Variants in FBN3 observed in about 807,000 individuals in gnomAD.
The protein encoded by FBN3 is fibrillin-3.
Under a neutral mutation model 330.1 loss-of-function variants are expected in FBN3, and 234 were observed. That is an observed-to-expected ratio of 0.71 (90% CI 0.64 to 0.79). The LOEUF (loss-of-function observed/expected upper bound fraction) is 0.79, where lower values mean the gene tolerates loss of function less well. FBN3 is among the 30% of genes least tolerant of loss of function. FBN3 has a pLI of 0.00. For missense variants in FBN3, 3,606 were observed against 3,886.9 expected (o/e 0.93, Z 1.92); for synonymous variants, 1,458 against 1,517.3 (o/e 0.96, Z 0.91).
Position 8,111,742 on chromosome 19 carries a change from G to A in FBN3, c.3990C>T (p.His1330=). The A allele has an allele frequency of 1.2e-6, 2 of 1,612,778 alleles. No homozygotes were observed. Among genetic ancestry groups the A allele is most frequent in the Non-Finnish European group, 1.7e-6 (2 of 1,179,074 alleles). The part of the protein sequence containing the change: ...HDLDECVSQE[H]RCSPRGDCLN... The stretch of plus-strand genomic sequence containing the variant: ...GACAGTCACCTCTTGGGCTGCACCG[G>A]TGCTCCTGGGAGACGCATTCATCCA... The change falls in exon 32 of 64, where the codon CAC becomes CAT. Residue 1330 remains histidine, a synonymous_variant. Transcript: ENST00000600128.
chr19:8,145,038 A>G lies in FBN3; in HGVS notation c.446-66T>C, dbSNP rs188945861. 77 of 1,399,310 alleles carry G rather than the reference A, an allele frequency of 5.5e-5. No individual in the cohort carries two copies. In the East Asian group the frequency reaches 1.8e-3, roughly 32 times the overall value. The allele number at this position is 1,399,310 out of a possible 1,614,324, so 86.7% of individuals were successfully genotyped here. A position where few individuals can be genotyped will look rare whatever the true frequency, so the allele number is the denominator to read the frequency against. On this transcript the variant is annotated intron_variant, in intron 5 of 63. Transcript: ENST00000600128. ...GCAGAGAGAGCTGGGGTTCACAGCA[A>G]GCCTGTCTTCACCCAGGAATCCCCA... is the stretch of plus-strand genomic sequence containing the variant.
At chr19:8,142,508 G>C (rs2083439347) in intron 6 of FBN3, among the ~76,000 whole-genome samples, 1 of 152,156 alleles carries the variant, frequency 6.6e-6, no homozygotes, top group South Asian at 2.1e-4. Flanking sequence ...TAGTCCTTGA[G>C]CACACGCCTG....
Position 8,109,348 on chromosome 19 carries a change from T to C in FBN3, c.4497A>G (p.Arg1499=), listed in dbSNP as rs1448796723. Residue 1499 remains arginine (R), a synonymous_variant, in exon 36 of 64, where the codon CGA becomes CGG. Coordinates refer to ENST00000600128, the MANE Select transcript of FBN3 (RefSeq NM_032447.5). This position sits in a 1 kb window ranked among gnomAD's most constrained non-coding sequence, Gnocchi z 5.2. ...CACTGCAGGAAATGCCACTGTCCCCTCGGTCATGCGTCTCCAGGAAACAGT... is the reference window on the plus strand; with the variant it reads ...CACTGCAGGAAATGCCACTGTCCCCCCGGTCATGCGTCTCCAGGAAACAGT... The part of the protein sequence containing the change: ...AGNCFLETHD[R]GDSGISCSAE... 9.3e-6 allele frequency: 15 copies of C among 1,613,966 alleles called. No homozygotes were observed. In the Admixed American group the frequency reaches 1.2e-4, roughly 13 times the overall value.
chr19:8,138,020 C>T, intron 10 of FBN3, 121 bp downstream of exon 10: 2 of 1,157,490 alleles, frequency 1.7e-6, no homozygotes, highest in Non-Finnish European at 2.4e-6. Context: ...CAGGAGTTCC[C>T]CCTCCAAAGC....
In FBN3 at chr19:8,142,000, C is replaced by T. The variant is rs1360718134; in HGVS notation, c.679G>A (p.Ala227Thr). Residue 227 changes from alanine to threonine, a missense_variant, in exon 7 of 64, where the codon GCA (alanine) becomes ACA (threonine). Coordinates refer to ENST00000600128, the MANE Select transcript of FBN3 (RefSeq NM_032447.5). ...AWGLPCELCPAQPHPCRRGFI... is the reference protein window; with the variant it reads ...AWGLPCELCPTQPHPCRRGFI... ...CCGCGGCGGCAGGGGTGTGGCTGTG[C>T]AGGGCAAAGTTCACATGGAAGGCCC... The T allele has an allele frequency of 6.2e-7, 1 of 1,614,216 alleles. No individual in the cohort carries two copies. The highest frequency in any genetic ancestry group is 8.5e-7 in the Non-Finnish European group (1 of 1,180,028).
At chr19:8,078,342 G>A (rs3745394) in intron 59 of FBN3, among the ~76,000 whole-genome samples, 94,154 of 152,020 alleles carry the variant, frequency 0.62, 30,669 homozygotes, top group African/African-American at 0.82. Flanking sequence ...GAGTCCAATC[G>A]TGGCGACAGA....
At position 8,066,106 on chromosome 19, in the gene FBN3, C is replaced by T. The variant is rs779357354; in HGVS notation, c.8243G>A (p.Gly2748Asp). The T allele has an allele frequency of 6.2e-7, 1 of 1,613,518 alleles. No homozygotes were observed. Among genetic ancestry groups the T allele is most frequent in the Non-Finnish European group, 8.5e-7 (1 of 1,179,952 alleles). The change falls in exon 64 of 64, where the codon GGT becomes GAT. Residue 2748 changes from glycine (G) to aspartate (D), a missense_variant. Gly to Asp is a moderately conservative substitution (Grantham distance 94). Coordinates refer to ENST00000600128, the MANE Select transcript of FBN3 (RefSeq NM_032447.5). ...ACGGAGGTGATGCATGCGAAAGAAA[C>T]CTTGCTCGTTTCCGCGGACGATGAC... ...RYVIVRGNEQ[G>D]FFRMHHLRGV...
At chr19:8,126,239 G>T in intron 21 of FBN3, 58 bp downstream of exon 21, 3 of 1,538,994 alleles carry the variant, frequency 1.9e-6, no homozygotes, top group Middle Eastern at 1.9e-4. Context: ...AGGGTGGTGC[G>T]CCTGGTTGTG....
At position 8,095,964 on chromosome 19, in the gene FBN3, C is replaced by T. The variant is rs1199033927; in HGVS notation, c.5656G>A (p.Asp1886Asn). The T allele has an allele frequency of 5.6e-6, 9 of 1,600,624 alleles. No homozygotes were observed. The highest frequency in any genetic ancestry group is 6.9e-6 in the Non-Finnish European group (8 of 1,167,760). The change falls in exon 45 of 64, where the codon GAT becomes AAT. Residue 1886 changes from aspartate (D) to asparagine (N), a missense_variant and splice_region_variant. Physicochemically the swap from Asp to Asn is conservative, Grantham distance 23. Transcript: ENST00000600128. ...FVVTHNGDCV[D>N]FDECTTLVGQ... Reference sequence around the variant, plus strand: ...CAGCCTGCCACCTGAGCCGACTCACCCACACAATCCCCATTGTGTGTCACC... The same window carrying T: ...CAGCCTGCCACCTGAGCCGACTCACTCACACAATCCCCATTGTGTGTCACC...
intron 37 of FBN3, among the ~76,000 whole-genome samples, chr19:8,107,375 T>G (rs1197480345): frequency 3.5e-5 from 5 of 143,880 alleles, no homozygotes; most frequent in South Asian, 2.3e-4. Context: ...AGTGGGGGGA[T>G]GGATGAATGG....
intron 26 of FBN3, 30 bp downstream of exon 26, chr19:8,118,863 ACACT>A (rs750730073): frequency 1.1e-5 from 18 of 1,591,908 alleles, no homozygotes; most frequent in African/African-American, 6.7e-5. Flanking sequence ...ACATGGGCTA[ACACT>A]CACACTTGCA....
At chr19:8,098,291 A>G (rs11260052) in intron 41 of FBN3, among the ~76,000 whole-genome samples, 149,869 of 150,196 alleles carry the variant, frequency 1, 74,777 homozygotes, top group Non-Finnish European at 1. Context: ...GTCCATCAGT[A>G]GGGGACTGGA....
intron 61 of FBN3, chr19:8,074,782 C>T (rs926816861): frequency 3.4e-5 from 13 of 384,886 alleles, no homozygotes; most frequent in Non-Finnish European, 6.1e-5. Context: ...TCAATCACAG[C>T]ACTCTTTCCC....
chr19:8,071,956 G>A lies in FBN3; in HGVS notation c.8088+92C>T, dbSNP rs371306929. ...ATCTGGAGCCTGGTGCTCCTTCTTG[G>A]GGGGGCTGACATGACTAAGTCGGGT... On this transcript the variant is annotated intron_variant, in intron 63 of 63. Transcript: ENST00000600128. 12 of 1,313,022 alleles carry A rather than the reference G, an allele frequency of 9.1e-6. 1 individual carries two copies. Among genetic ancestry groups the A allele is most frequent in the South Asian group, 4.2e-5 (3 of 71,622 alleles). 81.3% of individuals were successfully genotyped at this position (1,313,022 alleles called of 1,614,324 possible). A position where few individuals can be genotyped will look rare whatever the true frequency, so the allele number is the denominator to read the frequency against.
chr19:8,134,552 G>C (rs991387802), intron 13 of FBN3, among the ~76,000 whole-genome samples: 38 of 152,154 alleles, frequency 2.5e-4, no homozygotes, highest in African/African-American at 9.2e-4. Flanking sequence ...GTGGTTGTCT[G>C]TGGCTGTGTT....
chr19:8,131,434 T>G lies in FBN3; in HGVS notation c.1990+120A>C. Reference sequence around the variant, plus strand: ...AACCCCGGGGAGGGAGCAACTCCCTTCAGCCTCTTTTTGGGAAGAGCCCCC... The same window carrying G: ...AACCCCGGGGAGGGAGCAACTCCCTGCAGCCTCTTTTTGGGAAGAGCCCCC... On this transcript the variant is annotated intron_variant, in intron 15 of 63. Coordinates refer to ENST00000600128, the MANE Select transcript of FBN3 (RefSeq NM_032447.5). The surrounding 1 kb of genome is among the most constrained non-coding windows in gnomAD (Gnocchi z 4.5). 4.1e-6 allele frequency: 6 copies of G among 1,463,830 alleles called. No homozygotes were observed. The South Asian group carries it at 7.6e-5, about 19-fold the overall frequency. 90.7% of individuals were successfully genotyped at this position (1,463,830 alleles called of 1,614,324 possible).
chr19:8,081,986 C>G (rs538165271), intron 57 of FBN3, among the ~76,000 whole-genome samples: 2 of 139,468 alleles, frequency 1.4e-5, no homozygotes, highest in South Asian at 5.3e-4. Context: ...TTTCTTGAGA[C>G]GGAGTCTCGT....
At position 8,087,082 on chromosome 19, in the gene FBN3, C is replaced by A. The variant is rs1453953515; in HGVS notation, c.6749G>T (p.Cys2250Phe). 6.2e-7 allele frequency: 1 copy of A among 1,607,810 alleles called. No homozygotes were observed. The change falls in exon 54 of 64, where the codon TGC becomes TTC. Residue 2250 changes from cysteine to phenylalanine, a missense_variant. By Grantham distance (205) the Cys-to-Phe change is radical. Transcript: ENST00000600128. ...MRPLPGSGEG[C>F]TDDNECHAQP... ...GAAGCTCCAGTGCCCCATACCTGTGCAGCCCTCCCCAGAGCCAGGCAGGGG... is the reference window on the plus strand; with the variant it reads ...GAAGCTCCAGTGCCCCATACCTGTGAAGCCCTCCCCAGAGCCAGGCAGGGG...
At chr19:8,067,128 T>C (rs1241780335) in intron 63 of FBN3, among the ~76,000 whole-genome samples, 2 of 148,922 alleles carry the variant, frequency 1.3e-5, no homozygotes, top group East Asian at 2.0e-4. Context: ...TTCTTCTTTT[T>C]CTTTTTTTTT....
Sources: gnomAD v4.1 joint callset for allele counts (sites outside exome capture counted in the v4.1 genomes callset) on GRCh38, gnomAD v4.1.1 for gene constraint, Gnocchi (gnomAD v3.1) non-coding constraint, MANE v1.5 for transcripts, NCBI Gene and HGNC (gene_info 2026-07-23, HGNC 2026-07-21) for gene names.